DNAH11: variants seen among roughly 807,000 people sequenced by gnomAD.
The protein encoded by DNAH11 is dynein axonemal heavy chain 11, also known as axonemal beta dynein heavy chain 11.
A neutral mutation model predicts 526.0 loss-of-function variants in DNAH11; 442 were observed. That is an observed-to-expected ratio of 0.84 (90% CI 0.78 to 0.91). DNAH11 has a LOEUF of 0.91. DNAH11 is among the 40% of genes least tolerant of loss of function. The probability of loss-of-function intolerance (pLI) is 0.00; values close to 1 mark genes in which losing one functional copy is unlikely to be tolerated. For synonymous variants in DNAH11, 2,461 were observed against 1,935.9 expected (o/e 1.27, Z -7.12); for missense variants, 6,989 against 5,448.7 (o/e 1.28, Z -8.90).
chr7:21,668,437 T>C (rs894488757), intron 30 of DNAH11, among the ~76,000 whole-genome samples: 5 of 152,196 alleles, frequency 3.3e-5, no homozygotes, highest in Non-Finnish European at 1.5e-5. Context: ...GCTCATTGCA[T>C]GTGCTAGCCC....
chr7:21,589,427 G>T, intron 12 of DNAH11, 24 bp downstream of exon 12: 2 of 1,553,366 alleles, frequency 1.3e-6, no homozygotes, highest in East Asian at 2.3e-5. Context: ...TTTTTAAGAT[G>T]ATTTATAAGT....
intron 44 of DNAH11, among the ~76,000 whole-genome samples, chr7:21,724,489 T>C (rs1019621871): frequency 6.6e-6 from 1 of 152,214 alleles, no homozygotes; most frequent in African/African-American, 2.4e-5. Context: ...AAGTCATAGA[T>C]AGAAATGAGA....
At chr7:21,822,556 A>G (rs1790101270) in intron 65 of DNAH11, among the ~76,000 whole-genome samples, 2 of 152,144 alleles carry the variant, frequency 1.3e-5, no homozygotes, top group Admixed American at 1.3e-4. Context: ...AGGGTTTCTT[A>G]TCTAGGTTAT....
intron 25 of DNAH11, among the ~76,000 whole-genome samples, chr7:21,633,305 C>G (rs1786704340): frequency 6.6e-6 from 1 of 152,164 alleles, no homozygotes; most frequent in South Asian, 2.1e-4. Context: ...ATGAAATAGT[C>G]TGTCGATGTC....
intron 25 of DNAH11, among the ~76,000 whole-genome samples, chr7:21,628,271 A>G (rs1205229857): frequency 1.3e-5 from 2 of 152,098 alleles, no homozygotes; most frequent in Non-Finnish European, 2.9e-5. Context: ...TCCAGTTTGA[A>G]TGCCTTTTAT....
intron 62 of DNAH11, among the ~76,000 whole-genome samples, 190 bp downstream of exon 62, chr7:21,801,465 T>C (rs1341058041): frequency 6.6e-6 from 1 of 152,220 alleles, no homozygotes; most frequent in East Asian, 1.9e-4. Context: ...TTTTAATTTA[T>C]AGTCCTGAAC....
chr7:21,667,248 G>A (rs1782457201), intron 30 of DNAH11, among the ~76,000 whole-genome samples: 1 of 152,104 alleles, frequency 6.6e-6, no homozygotes, highest in Admixed American at 6.6e-5. Flanking sequence ...TGCTTTGCAA[G>A]CAAAGTGAGC....
chr7:21,559,031 A>C (rs1161591531), intron 3 of DNAH11, 33 bp downstream of exon 3: 1 of 1,534,610 alleles, frequency 6.5e-7, no homozygotes, highest in Admixed American at 2.0e-5. Context: ...CAGGATATTA[A>C]AGTAGAGAGC....
intron 57 of DNAH11, among the ~76,000 whole-genome samples, chr7:21,782,776 G>C (rs1788004615): frequency 6.6e-6 from 1 of 152,090 alleles, no homozygotes; most frequent in South Asian, 2.1e-4. Flanking sequence ...CGGGTGTAGT[G>C]GTGCGTGCCT....
At chr7:21,563,223 T>A (rs541462436) in intron 5 of DNAH11, among the ~76,000 whole-genome samples, 1 of 152,298 alleles carries the variant, frequency 6.6e-6, no homozygotes, top group South Asian at 2.1e-4. Context: ...CTTTTTCTTT[T>A]TTGGAGACAG....
chr7:21,628,148 A>C, intron 25 of DNAH11, among the ~76,000 whole-genome samples: 1 of 152,008 alleles, frequency 6.6e-6, no homozygotes, highest in South Asian at 2.1e-4. Flanking sequence ...GTATTCTGCA[A>C]CTTGCGTAAA....
At chr7:21,816,420 C>G (rs191774922) in intron 63 of DNAH11, 47 bp from the exon 64 acceptor site, 3 of 1,437,944 alleles carry the variant, frequency 2.1e-6, no homozygotes, top group Non-Finnish European at 1.9e-6. Flanking sequence ...TCTGTCTTCT[C>G]TCTCTGCCAC....
intron 72 of DNAH11, 97 bp downstream of exon 72, chr7:21,868,104 C>CTTTTTTTTTTTT: frequency 1.4e-6 from 1 of 697,260 alleles, no homozygotes; most frequent in Non-Finnish European, 1.9e-6. Flanking sequence ...ATCTTAGTTT[C>CTTTTTTTTTTTT]TTTTTTTTTT....
rs141332146 is a variant in DNAH11, at chr7:21,830,917, G to A, written c.10692-11627G>A. On this transcript the variant is annotated intron_variant, in intron 65 of 81. Transcript: ENST00000409508. ...TTTCTGTTCTGAGATTACTTAAGCAGCTTCTCATCTCCAAACCAGCAAATC... is the reference window on the plus strand; with the variant it reads ...TTTCTGTTCTGAGATTACTTAAGCAACTTCTCATCTCCAAACCAGCAAATC... Among the ~76,000 whole-genome samples, 264 of 152,282 alleles carry A rather than the reference G, an allele frequency of 1.7e-3. 1 individual carries two copies. The highest frequency in any genetic ancestry group is 5.9e-3 in the African/African-American group (246 of 41,552).
chr7:21,771,450 C>G (rs573082969), intron 55 of DNAH11, among the ~76,000 whole-genome samples: 143 of 152,298 alleles, frequency 9.4e-4, no homozygotes, highest in African/African-American at 3.4e-3. Flanking sequence ...CGAGAACTGT[C>G]ACACCAAATA....
intron 25 of DNAH11, among the ~76,000 whole-genome samples, chr7:21,633,803 G>A (rs906777858): frequency 2.0e-5 from 3 of 152,188 alleles, no homozygotes; most frequent in African/African-American, 7.2e-5. Flanking sequence ...GAGACTTGAA[G>A]GGTAGTCTAT....
rs746839743 is a variant in DNAH11, at chr7:21,711,869, T to TCCACGGAGTGGAA, written c.6983+9_6983+10insCCACGGAGTGGAA. ...GATCTGGGCTGGAATCCGTGAGTAT[T>TCCACGGAGTGGAA]TCTTTTTGTTTTATTGTAGTAAATT... On this transcript the variant is annotated intron_variant, in intron 42 of 81. Transcript: ENST00000409508. 64 of 1,597,786 alleles carry TCCACGGAGTGGAA rather than the reference T, an allele frequency of 4.0e-5. No individual in the cohort carries two copies. The highest frequency in any genetic ancestry group is 5.2e-5 in the Non-Finnish European group (61 of 1,171,150).
intron 37 of DNAH11, among the ~76,000 whole-genome samples, chr7:21,703,163 A>T (rs1413040612): frequency 2.0e-5 from 3 of 152,210 alleles, no homozygotes; most frequent in African/African-American, 7.2e-5. Flanking sequence ...CGAAGACATA[A>T]TGGGAGAAAG....
chr7:21,879,788 G>C (rs1157411360), intron 74 of DNAH11, among the ~76,000 whole-genome samples: 1 of 152,054 alleles, frequency 6.6e-6, no homozygotes, highest in African/African-American at 2.4e-5. Flanking sequence ...TCTAGCCATA[G>C]AAAAGGAAAG....
Sources: gnomAD v4.1 joint callset for allele counts (sites outside exome capture counted in the v4.1 genomes callset) on GRCh38, gnomAD v4.1.1 for gene constraint, MANE v1.5 for transcripts, NCBI Gene and HGNC (gene_info 2026-07-23, HGNC 2026-07-21) for gene names.